Variants in IRGQ observed in about 807,000 individuals in gnomAD.
IRGQ encodes immunity related GTPase Q.
In IRGQ, 5 loss-of-function variants were observed where a neutral mutation model predicts 10.5. The observed-to-expected ratio is 0.48, with a 90% CI of 0.25 to 1.00. The LOEUF (loss-of-function observed/expected upper bound fraction) is 1.00, where lower values mean the gene tolerates loss of function less well. IRGQ is among the 50% of genes least tolerant of loss of function. The probability of loss-of-function intolerance (pLI) is 0.16; values close to 1 mark genes in which losing one functional copy is unlikely to be tolerated. For missense variants in IRGQ, 792 were observed against 877.7 expected (o/e 0.90, Z 1.23); for synonymous variants, 418 against 426.0 (o/e 0.98, Z 0.23).
At chr19:43,595,732 G>A (rs948320870) in intron 1 of IRGQ, among the ~76,000 whole-genome samples, 2 of 151,872 alleles carry the variant, frequency 1.3e-5, no homozygotes, top group Non-Finnish European at 2.9e-5. Flanking sequence ...ATAAAATTTA[G>A]CCGGGCATGG....
chr19:43,592,005 T>C lies in IRGQ; in HGVS notation c.*21A>G. 6.4e-7 allele frequency: 1 copy of C among 1,553,582 alleles called. No homozygotes were observed. The highest frequency in any genetic ancestry group is 1.2e-5 in the South Asian group (1 of 83,140). ...AGGCATCCCCTGTCAGAGTCTGGAC[T>C]CCCAAGCCCCCTCCCACTCCTCACT... On this transcript the variant is annotated 3_prime_UTR_variant, in exon 3 of 3. Coordinates refer to ENST00000422989, the MANE Select transcript of IRGQ (RefSeq NM_001007561.3).
In IRGQ at chr19:43,591,893, ACT is replaced by A. The variant is rs1973060180; in HGVS notation, c.*131_*132del. 2.5e-6 allele frequency: 2 copies of A among 798,440 alleles called. No homozygotes were observed. Among genetic ancestry groups the A allele is most frequent in the South Asian group, 2.4e-5 (1 of 40,846 alleles). 49.5% of individuals were successfully genotyped at this position (798,440 alleles called of 1,614,324 possible). On this transcript the variant is annotated 3_prime_UTR_variant, in exon 3 of 3. Transcript: ENST00000422989. ...AAAAATCAGGATTCCTGTCCCCCAG[ACT>A]CTCTGAATCCAGGTGATAAGAAGTC...
chr19:43,587,901 A>G lies in IRGQ; in HGVS notation c.*4125T>C, dbSNP rs1973011956. 6.6e-6 allele frequency: 1 copy of G among 151,216 alleles called. No individual in the cohort carries two copies. The highest frequency in any genetic ancestry group is 2.1e-4 in the South Asian group (1 of 4,808). 9.4% of individuals were successfully genotyped at this position (151,216 alleles called of 1,614,324 possible). The stretch of plus-strand genomic sequence containing the variant: ...AGCCTGGGCAACAAAGCGAAGCACT[A>G]TCTCAAAAAAAAAAAAAACTAAAAA... On this transcript the variant is annotated 3_prime_UTR_variant, in exon 3 of 3. Transcript: ENST00000422989.
chr19:43,592,510 G>A lies in IRGQ; in HGVS notation c.1388C>T (p.Pro463Leu). 8 of 1,595,436 alleles carry A rather than the reference G, an allele frequency of 5.0e-6. No individual in the cohort carries two copies. The highest frequency in any genetic ancestry group is 6.8e-6 in the Non-Finnish European group (8 of 1,178,346). ...TCGGGCAGCGCTGGGAGATGCTGGT[G>A]GCAACGCCAGCAGCAGTGCCCCTGC... ...AQAGALLLAL[P>L]PASPSAARTK... The change falls in exon 3 of 3, where the codon CCA (proline) becomes CTA (leucine). Residue 463 changes from proline (P) to leucine (L), a missense_variant. Coordinates refer to ENST00000422989, the MANE Select transcript of IRGQ (RefSeq NM_001007561.3).
At position 43,589,651 on chromosome 19, in the gene IRGQ, G is replaced by A. The variant is rs905491209; in HGVS notation, c.*2375C>T. On this transcript the variant is annotated 3_prime_UTR_variant, in exon 3 of 3. Transcript: ENST00000422989. ...GGCACCTATTGTTCTAGATGCTGGG[G>A]AAACAACAGAGAACAGGACAGGCAA... 4 of 152,122 alleles carry A rather than the reference G, an allele frequency of 2.6e-5. No homozygotes were observed. The highest frequency in any genetic ancestry group is 9.7e-5 in the African/African-American group (4 of 41,414). 9.4% of individuals were successfully genotyped at this position (152,122 alleles called of 1,614,324 possible). A position where few individuals can be genotyped will look rare whatever the true frequency, so the allele number is the denominator to read the frequency against.
chr19:43,592,418 C>T lies in IRGQ; in HGVS notation c.1480G>A (p.Ala494Thr), dbSNP rs1215790040. ...CAGCCCAGCCCTGGGAGTGGTGCCG[C>T]CGCCGCCGCCAGACTAGCCAGCAGA... ...PALLASLAAA[A>T]APLPGLGWAC... Residue 494 changes from alanine (A) to threonine (T), a missense_variant, in exon 3 of 3, where the codon GCG (alanine) becomes ACG (threonine). By Grantham distance (58) the Ala-to-Thr change is moderately conservative. Transcript: ENST00000422989. 2.5e-6 allele frequency: 4 copies of T among 1,575,508 alleles called. No individual in the cohort carries two copies. Among genetic ancestry groups the T allele is most frequent in the South Asian group, 1.1e-5 (1 of 88,820 alleles).
Position 43,594,892 on chromosome 19 carries a change from C to A in IRGQ, c.447G>T (p.Pro149=). ...GLGAADLFVL[P]ANCGSSDGCE... is the part of the protein sequence containing the mutation. ...AGCCGTCGCTGCTGCCGCAGTTCGC[C>A]GGTAGCACAAACAGATCCGCAGCTC... The change falls in exon 2 of 3, where the codon CCG becomes CCT. Residue 149 remains proline (P), a synonymous_variant. Transcript: ENST00000422989. 6.2e-7 allele frequency: 1 copy of A among 1,613,938 alleles called. No homozygotes were observed. The highest frequency in any genetic ancestry group is 8.5e-7 in the Non-Finnish European group (1 of 1,179,940).
rs760505344 is a variant in IRGQ at position 43,594,890 on chromosome 19, G to T, written c.449C>A (p.Ala150Glu). ...GCAGCCGTCGCTGCTGCCGCAGTTC[G>T]CCGGTAGCACAAACAGATCCGCAGC... ...LGAADLFVLP[A>E]NCGSSDGCEE... Residue 150 changes from alanine to glutamate, a missense_variant, in exon 2 of 3, where the codon GCG (alanine) becomes GAG (glutamate). Ala to Glu is a moderately radical substitution (Grantham distance 107). Coordinates refer to ENST00000422989, the MANE Select transcript of IRGQ (RefSeq NM_001007561.3). 11 of 1,613,774 alleles carry T rather than the reference G, an allele frequency of 6.8e-6. No individual in the cohort carries two copies. Among genetic ancestry groups the T allele is most frequent in the Non-Finnish European group, 7.6e-6 (9 of 1,179,916 alleles).
Position 43,587,529 on chromosome 19 carries a change from T to C in IRGQ, c.*4497A>G, listed in dbSNP as rs965795021. 2.0e-5 allele frequency: 3 copies of C among 152,188 alleles called. No homozygotes were observed. Among genetic ancestry groups the C allele is most frequent in the African/African-American group, 7.2e-5 (3 of 41,454 alleles). The allele number at this position is 152,188 out of a possible 1,614,324, so 9.4% of individuals were successfully genotyped here. A position where few individuals can be genotyped will look rare whatever the true frequency, so the allele number is the denominator to read the frequency against. On this transcript the variant is annotated 3_prime_UTR_variant, in exon 3 of 3. Coordinates refer to ENST00000422989, the MANE Select transcript of IRGQ (RefSeq NM_001007561.3). ...AAGCATTTCAGATAAAAATGTACCATGGTAATTGAGATTTGGTGTAAGTGT... is the reference window on the plus strand; with the variant it reads ...AAGCATTTCAGATAAAAATGTACCACGGTAATTGAGATTTGGTGTAAGTGT...
At position 43,592,207 on chromosome 19, in the gene IRGQ, G is replaced by A. The variant is rs1973065848; in HGVS notation, c.1691C>T (p.Ala564Val). 4 of 1,589,674 alleles carry A rather than the reference G, an allele frequency of 2.5e-6. No individual in the cohort carries two copies. The highest frequency in any genetic ancestry group is 3.4e-6 in the Non-Finnish European group (4 of 1,174,134). Residue 564 changes from alanine to valine, a missense_variant, in exon 3 of 3, where the codon GCG (alanine) becomes GTG (valine). By Grantham distance (64) the Ala-to-Val change is moderately conservative. Transcript: ENST00000422989. ...AEVEARLGAWAGEGTAGGAAL... is the reference protein window; with the variant it reads ...AEVEARLGAWVGEGTAGGAAL... ...TGCGCCCCCAGCAGTGCCCTCGCCC[G>A]CCCAGGCGCCCAGTCTTGCTTCCAC...
chr19:43,592,850 T>C lies in IRGQ; in HGVS notation c.1048A>G (p.Lys350Glu). Reference sequence around the variant, plus strand: ...CCTGCGTTCTTTAAGCTCTCGCCCTTGGGATTCTCCATCTTGCCTTCTCCC... The same window carrying C: ...CCTGCGTTCTTTAAGCTCTCGCCCTCGGGATTCTCCATCTTGCCTTCTCCC... ...CLGEGKMENP[K>E]GESLKNAGGG... The change falls in exon 3 of 3, where the codon AAG becomes GAG. Residue 350 changes from lysine to glutamate, a missense_variant. Lys to Glu is a moderately conservative substitution (Grantham distance 56). Coordinates refer to ENST00000422989, the MANE Select transcript of IRGQ (RefSeq NM_001007561.3). 1 of 1,613,978 alleles carries C rather than the reference T, an allele frequency of 6.2e-7. No individual in the cohort carries two copies. The highest frequency in any genetic ancestry group is 8.5e-7 in the Non-Finnish European group (1 of 1,180,026).
chr19:43,585,135 G>C lies in IRGQ; in HGVS notation c.*6891C>G, dbSNP rs575961582. Reference sequence around the variant, plus strand: ...GCCTCCCTAAGTGCTGGGATTATGGGTTTATACCCATATGCCACCATGCTC... The same window carrying C: ...GCCTCCCTAAGTGCTGGGATTATGGCTTTATACCCATATGCCACCATGCTC... On this transcript the variant is annotated 3_prime_UTR_variant, in exon 3 of 3. Coordinates refer to ENST00000422989, the MANE Select transcript of IRGQ (RefSeq NM_001007561.3). The C allele has an allele frequency of 6.6e-6, 1 of 152,398 alleles. No individual in the cohort carries two copies. The highest frequency in any genetic ancestry group is 1.9e-4 in the East Asian group (1 of 5,186). 9.4% of individuals were successfully genotyped at this position (152,398 alleles called of 1,614,324 possible).
chr19:43,595,754 T>TCTAC (rs1973129074), intron 1 of IRGQ, among the ~76,000 whole-genome samples: 1 of 152,062 alleles, frequency 6.6e-6, no homozygotes, highest in African/African-American at 2.4e-5. Flanking sequence ...GGTGTGCGCC[T>TCTAC]GTAGCCCCAG....
chr19:43,592,137 C>T lies in IRGQ; in HGVS notation c.1761G>A (p.Ala587=), dbSNP rs748048278. The change falls in exon 3 of 3, where the codon GCG becomes GCA. Residue 587 remains alanine (A), a synonymous_variant. Coordinates refer to ENST00000422989, the MANE Select transcript of IRGQ (RefSeq NM_001007561.3). ...LSFLWPAGGA[A]ATGGLGYRAA... ...CTCGGTAGCCCAGGCCACCTGTCGC[C>T]GCTGCACCACCCGCAGGCCACAGGA... 16 of 1,610,988 alleles carry T rather than the reference C, an allele frequency of 9.9e-6. No homozygotes were observed. The highest frequency in any genetic ancestry group is 1.3e-5 in the Non-Finnish European group (15 of 1,179,694).
Position 43,592,934 on chromosome 19 carries a change from G to A in IRGQ, c.964C>T (p.Pro322Ser), listed in dbSNP as rs755138848. The A allele has an allele frequency of 1.9e-6, 3 of 1,611,168 alleles. No individual in the cohort carries two copies. The highest frequency in any genetic ancestry group is 2.5e-6 in the Non-Finnish European group (3 of 1,180,014). ...CGCACGCAGACAAGAGGCGCATCTG[G>A]TAGCAGCAAGGCCTGGACCTGGGCC... ...DWAQVQALLL[P>S]DAPLVCVRTD... The change falls in exon 3 of 3, where the codon CCA (proline) becomes TCA (serine). Residue 322 changes from proline (P) to serine (S), a missense_variant. Pro to Ser is a moderately conservative substitution (Grantham distance 74, BLOSUM62 -1). Coordinates refer to ENST00000422989, the MANE Select transcript of IRGQ (RefSeq NM_001007561.3).
Position 43,592,326 on chromosome 19 carries a change from G to T in IRGQ, c.1572C>A (p.Pro524=). The change falls in exon 3 of 3, where the codon CCC becomes CCA. Residue 524 remains proline (P), a synonymous_variant. Coordinates refer to ENST00000422989, the MANE Select transcript of IRGQ (RefSeq NM_001007561.3). ...CACGCTCACGTCGAGCCAGTGCCGT[G>T]GGTTCCAGCCCCAGGCCCCGTCGCC... is the stretch of plus-strand genomic sequence containing the variant. The part of the protein sequence containing the change: ...AEWRRGLGLE[P]TALARRERAL... The T allele has an allele frequency of 6.4e-7, 1 of 1,571,456 alleles. No homozygotes were observed. The highest frequency in any genetic ancestry group is 1.1e-5 in the South Asian group (1 of 87,900).
rs2146091336 is a variant in IRGQ, at chr19:43,587,174, A to G, written c.*4852T>C. On this transcript the variant is annotated 3_prime_UTR_variant, in exon 3 of 3. Transcript: ENST00000422989. ...GTGAAACCCCGTCTCTGAGAAAAAT[A>G]CCAAAATTAGCCAGGCATGGTGGCA... 6.6e-6 allele frequency: 1 copy of G among 152,234 alleles called. No homozygotes were observed. Among genetic ancestry groups the G allele is most frequent in the South Asian group, 2.1e-4 (1 of 4,824 alleles). The allele number at this position is 152,234 out of a possible 1,614,324, so 9.4% of individuals were successfully genotyped here.
Position 43,593,001 on chromosome 19 carries a change from G to A in IRGQ, c.897C>T (p.Ala299=). 6.2e-7 allele frequency: 1 copy of A among 1,608,262 alleles called. No individual in the cohort carries two copies. Among genetic ancestry groups the A allele is most frequent in the South Asian group, 1.1e-5 (1 of 91,066 alleles). Residue 299 remains alanine (A), a synonymous_variant, in exon 3 of 3, where the codon GCC becomes GCT. Coordinates refer to ENST00000422989, the MANE Select transcript of IRGQ (RefSeq NM_001007561.3). The surrounding 1 kb of genome is among the most constrained non-coding windows in gnomAD (Gnocchi z 6.4). ...GGGCCCCAGGGGTGACGAGGATGAGGGCGTCGTAGTGCGTTGGGTGAGAGG... is the reference window on the plus strand; with the variant it reads ...GGGCCCCAGGGGTGACGAGGATGAGAGCGTCGTAGTGCGTTGGGTGAGAGG... ...AAASHPTHYD[A]LILVTPGAPT...
Position 43,592,447 on chromosome 19 carries a change from G to A in IRGQ, c.1451C>T (p.Pro484Leu). 2 of 1,583,936 alleles carry A rather than the reference G, an allele frequency of 1.3e-6. No homozygotes were observed. Among genetic ancestry groups the A allele is most frequent in the Non-Finnish European group, 1.7e-6 (2 of 1,172,908 alleles). The change falls in exon 3 of 3, where the codon CCA becomes CTA. Residue 484 changes from proline (P) to leucine (L), a missense_variant. Physicochemically the swap from Pro to Leu is moderately conservative, Grantham distance 98. Coordinates refer to ENST00000422989, the MANE Select transcript of IRGQ (RefSeq NM_001007561.3). ...AAALRAGAWR[P>L]ALLASLAAAA... ...CGCCGCCAGACTAGCCAGCAGAGCT[G>A]GCCTCCACGCCCCGGCTCGCAACGC... is the stretch of plus-strand genomic sequence containing the variant.
Sources: allele counts gnomAD v4.1 joint callset (sites outside exome capture counted in the v4.1 genomes callset), GRCh38; gene constraint gnomAD v4.1.1; non-coding constraint Gnocchi (gnomAD v3.1); transcripts MANE v1.5; gene names NCBI Gene and HGNC (gene_info 2026-07-23, HGNC 2026-07-21).